Variants in ARHGAP20 observed in about 807,000 individuals in gnomAD.
The protein encoded by ARHGAP20 is rho GTPase-activating protein 20.
In ARHGAP20, 34 loss-of-function variants were observed where a neutral mutation model predicts 73.7. That is an observed-to-expected ratio of 0.46 (90% CI 0.35 to 0.61). The LOEUF is 0.61. Among genes scored for constraint, ARHGAP20 ranks in the 20% least tolerant of loss-of-function variants. The pLI, the probability that ARHGAP20 is intolerant of heterozygous loss-of-function variation, is 0.00. For missense variants in ARHGAP20, 1,314 were observed against 1,420.9 expected, an observed-to-expected ratio of 0.92 and a Z score of 1.21; for synonymous variants, 523 against 518.2, an observed-to-expected ratio of 1.01 and a Z score of -0.13.
chr11:110,583,642 A>G lies in ARHGAP20; in HGVS notation c.1511T>C (p.Met504Thr). The change falls in exon 13 of 15, where the codon ATG becomes ACG. Residue 504 changes from methionine (M) to threonine (T), a missense_variant. Met to Thr is a moderately conservative substitution (Grantham distance 81, BLOSUM62 -1). This residue lies in a region of ARHGAP20 where 230 missense variants were observed against 317.6 expected (regional missense o/e 0.72). Transcript: ENST00000683387. ...ACACACAGCTAAATTAAATGCAGTC[A>G]TCTGATTGGATGAGGAATGTTGCTC... ...NIEQHSSSNQ[M>T]TAFNLAVCVA... 1 of 1,613,458 alleles carries G rather than the reference A, an allele frequency of 6.2e-7. No individual in the cohort carries two copies. The highest frequency in any genetic ancestry group is 8.5e-7 in the Non-Finnish European group (1 of 1,179,562).
intron 10 of ARHGAP20, 83 bp downstream of exon 10, chr11:110,591,894 C>T: frequency 7.1e-7 from 1 of 1,406,180 alleles, no homozygotes; most frequent in Non-Finnish European, 9.7e-7. Flanking sequence ...ATAATTTTTC[C>T]ATTTGGGGAC....
At chr11:110,692,197 G>T (rs1591182663) in intron 1 of ARHGAP20, among the ~76,000 whole-genome samples, 1 of 152,232 alleles carries the variant, frequency 6.6e-6, no homozygotes, top group East Asian at 1.9e-4. Flanking sequence ...GACTGCAGAG[G>T]TTACAAGGAG....
At chr11:110,661,566 AAAG>A (rs766399392) in intron 2 of ARHGAP20, among the ~76,000 whole-genome samples, 4 of 151,498 alleles carry the variant, frequency 2.6e-5, no homozygotes, top group Non-Finnish European at 4.4e-5. Context: ...GTTTTTATAT[AAAG>A]AACATTTTTT....
chr11:110,628,328 A>G (rs1948789351), intron 3 of ARHGAP20, among the ~76,000 whole-genome samples: 1 of 152,210 alleles, frequency 6.6e-6, no homozygotes, highest in Non-Finnish European at 1.5e-5. Flanking sequence ...ATCCAAGGGT[A>G]AGAAATGACT....
intron 2 of ARHGAP20, 113 bp from the exon 3 acceptor site, chr11:110,630,905 T>A: frequency 9.3e-7 from 1 of 1,072,878 alleles, no homozygotes; most frequent in Admixed American, 2.5e-5. Flanking sequence ...TAACTGGTCA[T>A]GAGTCTATTC....
At chr11:110,587,300 A>G (rs1281720411) in intron 11 of ARHGAP20, among the ~76,000 whole-genome samples, 1 of 152,218 alleles carries the variant, frequency 6.6e-6, no homozygotes, top group East Asian at 1.9e-4. Flanking sequence ...AGTAAACTCA[A>G]TATCGTGTTT....
intron 9 of ARHGAP20, among the ~76,000 whole-genome samples, chr11:110,598,902 G>GGAGCA (rs1850086265): frequency 6.6e-6 from 1 of 151,206 alleles, no homozygotes; most frequent in African/African-American, 2.4e-5. Flanking sequence ...CTGCCCTCCC[G>GGAGCA]GGTGGAGGTG....
intron 2 of ARHGAP20, among the ~76,000 whole-genome samples, chr11:110,689,092 C>G (rs538814855): frequency 1.3e-5 from 2 of 151,510 alleles, no homozygotes; most frequent in South Asian, 4.2e-4. Flanking sequence ...TCCGCCTCCC[C>G]GGTTCACGCC....
At chr11:110,629,962 T>TG (rs1948826034) in intron 3 of ARHGAP20, among the ~76,000 whole-genome samples, 1 of 152,244 alleles carries the variant, frequency 6.6e-6, no homozygotes, top group Non-Finnish European at 1.5e-5. Flanking sequence ...GTAATGTTTT[T>TG]GGGTAATTTG....
intron 1 of ARHGAP20, among the ~76,000 whole-genome samples, chr11:110,711,043 T>C (rs1950641591): frequency 1.4e-5 from 2 of 146,448 alleles, no homozygotes; most frequent in Admixed American, 6.8e-5. Flanking sequence ...GAAAGTCTTA[T>C]GCTGGAAGCG....
chr11:110,618,594 T>A (rs1948539709), intron 4 of ARHGAP20, among the ~76,000 whole-genome samples: 1 of 150,192 alleles, frequency 6.7e-6, no homozygotes, highest in Non-Finnish European at 1.5e-5. Context: ...TGATAGAGTA[T>A]ATGCAGTGAT....
chr11:110,608,588 G>A (rs1024966525), intron 8 of ARHGAP20, among the ~76,000 whole-genome samples: 5 of 151,932 alleles, frequency 3.3e-5, no homozygotes, highest in Non-Finnish European at 7.4e-5. Context: ...TGTATTTTAG[G>A]TGGTCTTCCA....
At chr11:110,661,535 T>C (rs912186578) in intron 2 of ARHGAP20, among the ~76,000 whole-genome samples, 4 of 152,104 alleles carry the variant, frequency 2.6e-5, no homozygotes, top group South Asian at 2.1e-4. Context: ...AAAACTGATA[T>C]AGTAAAAAAA....
At chr11:110,648,196 T>TATATATATGTAA (rs1949251354) in intron 2 of ARHGAP20, among the ~76,000 whole-genome samples, 1 of 87,168 alleles carries the variant, frequency 1.1e-5, no homozygotes, top group Non-Finnish European at 2.1e-5. Context: ...TATGTAAATA[T>TATATATATGTAA]ATATATATAT....
At chr11:110,699,395 T>C (rs1950399996) in intron 1 of ARHGAP20, among the ~76,000 whole-genome samples, 1 of 152,014 alleles carries the variant, frequency 6.6e-6, no homozygotes, top group Non-Finnish European at 1.5e-5. Context: ...GGCTAGAATG[T>C]TCTGTAAATG....
At chr11:110,673,959 G>A (rs1448980457) in intron 2 of ARHGAP20, among the ~76,000 whole-genome samples, 1 of 146,964 alleles carries the variant, frequency 6.8e-6, no homozygotes. Context: ...TTTTTTTTGA[G>A]ACAGCATTTC....
chr11:110,609,114 CA>C, intron 7 of ARHGAP20, 64 bp from the exon 8 acceptor site: 1 of 1,416,714 alleles, frequency 7.1e-7, no homozygotes, highest in Non-Finnish European at 9.8e-7. Context: ...AATGAGGACA[CA>C]TTTTTTTTTT....
chr11:110,702,477 A>C (rs1950473102), intron 1 of ARHGAP20, among the ~76,000 whole-genome samples: 1 of 152,188 alleles, frequency 6.6e-6, no homozygotes, highest in African/African-American at 2.4e-5. Context: ...AACTGGCACA[A>C]GACAGGGATG....
chr11:110,605,311 TA>T, intron 9 of ARHGAP20, among the ~76,000 whole-genome samples: 1 of 152,194 alleles, frequency 6.6e-6, no homozygotes, highest in Non-Finnish European at 1.5e-5. Flanking sequence ...AGATGGTGGT[TA>T]CAACTCTTTT....
Sources: gnomAD v4.1 joint callset for allele counts (sites outside exome capture counted in the v4.1 genomes callset) on GRCh38, gnomAD v4.1.1 for gene constraint, gnomAD v4.1.1 regional missense constraint, MANE v1.5 for transcripts, NCBI Gene and HGNC (gene_info 2026-07-23, HGNC 2026-07-21) for gene names.